The following RPS6KA2 variants were observed in gnomAD, a reference collection of about 807,000 sequenced individuals.
The protein encoded by RPS6KA2 is ribosomal protein S6 kinase A2.
In RPS6KA2, 42 loss-of-function variants were observed where a neutral mutation model predicts 91.8. The ratio of observed to expected loss-of-function variants is 0.46; its 90% confidence interval spans 0.36 to 0.59. The LOEUF (loss-of-function observed/expected upper bound fraction) is 0.59, where lower values mean the gene tolerates loss of function less well. Ranked by LOEUF, RPS6KA2 falls within the 20% of genes least tolerant of loss-of-function variation. The pLI is 0.00. For missense variants in RPS6KA2, 798 were observed against 978.5 expected, an observed-to-expected ratio of 0.82 and a Z score of 2.46; for synonymous variants, 414 against 393.6, an observed-to-expected ratio of 1.05 and a Z score of -0.61.
At chr6:166,531,160 A>G (rs1209822706) in intron 3 of RPS6KA2, 72 bp downstream of exon 3, 2 of 994,176 alleles carry the variant, frequency 2.0e-6, no homozygotes, top group African/African-American at 1.6e-5. Context: ...TGGAATGAAT[A>G]TTTCCTCAAA....
intron 2 of RPS6KA2, among the ~76,000 whole-genome samples, chr6:166,699,404 T>C (rs1471339422): frequency 6.6e-6 from 1 of 152,220 alleles, no homozygotes. Flanking sequence ...AAACTTGCTT[T>C]CTGAGAACAT....
chr6:166,425,217 T>C (rs1017527868), intron 16 of RPS6KA2, among the ~76,000 whole-genome samples: 1 of 152,144 alleles, frequency 6.6e-6, no homozygotes, highest in Admixed American at 6.6e-5. Flanking sequence ...CAGTCCTTTT[T>C]CTTTGTCTTC....
chr6:166,609,935 T>A (rs1786106458), intron 1 of RPS6KA2, among the ~76,000 whole-genome samples: 1 of 152,270 alleles, frequency 6.6e-6, no homozygotes, highest in South Asian at 2.1e-4. Flanking sequence ...ATTTGAAGAT[T>A]TAAAAAATGT....
At chr6:166,721,806 C>T (rs1435533536) in intron 2 of RPS6KA2, among the ~76,000 whole-genome samples, 1 of 151,950 alleles carries the variant, frequency 6.6e-6, no homozygotes, top group Non-Finnish European at 1.5e-5. Context: ...CTGCTTCCCC[C>T]AGGAGGTGCC....
At chr6:166,779,837 T>TCGCCGACGGC (rs1778720979) in intron 2 of RPS6KA2, among the ~76,000 whole-genome samples, 1 of 152,096 alleles carries the variant, frequency 6.6e-6, no homozygotes, top group African/African-American at 2.4e-5. Context: ...GGGGCTAGCG[T>TCGCCGACGGC]TGCCGACGGC....
Position 166,603,661 on chromosome 6 carries a change from C to T in RPS6KA2, c.99+23260G>A, listed in dbSNP as rs1785834205. Reference sequence around the variant, plus strand: ...CCTGTCATTGGGAGGGCATCGTGAACATGGCTGGCACATTCCGGGTGATCT... The same window carrying T: ...CCTGTCATTGGGAGGGCATCGTGAATATGGCTGGCACATTCCGGGTGATCT... On this transcript the variant is annotated intron_variant, in intron 1 of 20. Transcript: ENST00000265678. This position sits in a 1 kb window ranked among gnomAD's most constrained non-coding sequence, Gnocchi z 4.3. Among the ~76,000 whole-genome samples the T allele has an allele frequency of 6.6e-6, 1 of 152,208 alleles. No homozygotes were observed. The highest frequency in any genetic ancestry group is 1.5e-5 in the Non-Finnish European group (1 of 68,046).
At chr6:166,447,869 C>T (rs559334982) in intron 14 of RPS6KA2, among the ~76,000 whole-genome samples, 1 of 152,172 alleles carries the variant, frequency 6.6e-6, no homozygotes, top group African/African-American at 2.4e-5. Context: ...CCTCGCTCTG[C>T]GACAGCCTGG....
chr6:166,490,551 T>A lies in RPS6KA2; in HGVS notation c.818+120A>T. The A allele has an allele frequency of 1.4e-6, 1 of 731,674 alleles. No homozygotes were observed. The highest frequency in any genetic ancestry group is 2.4e-6 in the Non-Finnish European group (1 of 420,754). 45.3% of individuals were successfully genotyped at this position (731,674 alleles called of 1,614,324 possible). ...GTGACTTTTAGAAAACAGCTTACAA[T>A]ACTTTGGCACTGTAAGCCTAGCAAT... is the stretch of plus-strand genomic sequence containing the variant. On this transcript the variant is annotated intron_variant, in intron 9 of 20. Coordinates refer to ENST00000265678, the MANE Select transcript of RPS6KA2 (RefSeq NM_021135.6). This position sits in a 1 kb window ranked among gnomAD's most constrained non-coding sequence, Gnocchi z 4.2.
chr6:166,726,592 A>G lies in RPS6KA2; in HGVS notation c.123+131608T>C, dbSNP rs1790346422. On this transcript the variant is annotated intron_variant, in intron 2 of 21. Coordinates refer to the RPS6KA2 transcript ENST00000503859. This position sits in a 1 kb window ranked among gnomAD's most constrained non-coding sequence, Gnocchi z 4.4. Reference sequence around the variant, plus strand: ...AAGACGTTTCTGAAGTGACTCACCAACTGATCCAAAATATATAACCGTGAT... The same window carrying G: ...AAGACGTTTCTGAAGTGACTCACCAGCTGATCCAAAATATATAACCGTGAT... 6.6e-6 allele frequency among the ~76,000 whole-genome samples: 1 copy of G among 152,224 alleles called. No homozygotes were observed. Among genetic ancestry groups the G allele is most frequent in the Non-Finnish European group, 1.5e-5 (1 of 68,044 alleles).
At chr6:166,576,078 G>C (rs567310040) in intron 1 of RPS6KA2, among the ~76,000 whole-genome samples, 1 of 152,088 alleles carries the variant, frequency 6.6e-6, no homozygotes, top group Non-Finnish European at 1.5e-5. Context: ...GGTTTATCAG[G>C]GGCTTCTGCC....
At chr6:166,829,685 C>A (rs900588505) in intron 2 of RPS6KA2, among the ~76,000 whole-genome samples, 2 of 151,774 alleles carry the variant, frequency 1.3e-5, no homozygotes, top group African/African-American at 4.8e-5. Flanking sequence ...TATTTGTCTA[C>A]CCATGTTCAC....
At chr6:166,496,799 G>A (rs1489554933) in intron 8 of RPS6KA2, among the ~76,000 whole-genome samples, 1 of 152,170 alleles carries the variant, frequency 6.6e-6, no homozygotes, top group Non-Finnish European at 1.5e-5. Context: ...GCTCTCTGGG[G>A]GAATTTGGGG....
intron 2 of RPS6KA2, among the ~76,000 whole-genome samples, chr6:166,779,844 C>T (rs774289375): frequency 2.4e-4 from 37 of 152,104 alleles, no homozygotes; most frequent in Non-Finnish European, 4.4e-4. Flanking sequence ...GCGTTGCCGA[C>T]GGCTGCTGGA....
intron 2 of RPS6KA2, among the ~76,000 whole-genome samples, chr6:166,698,802 G>A (rs7755916): frequency 0.21 from 31,759 of 152,186 alleles, 3,425 homozygotes; most frequent in African/African-American, 0.27. Flanking sequence ...CTGCACTGTG[G>A]CTTTTTAACC....
At position 166,530,580 on chromosome 6, in the gene RPS6KA2, C is replaced by T. The variant is rs371455753; in HGVS notation, c.298+652G>A. On this transcript the variant is annotated intron_variant, in intron 3 of 20. Coordinates refer to ENST00000265678, the MANE Select transcript of RPS6KA2 (RefSeq NM_021135.6). ...CAGTGCCCGGCGCTGTGTGTTCAATCGCCTAATGCTGTTTAGGGCAGGGGG... is the reference window on the plus strand; with the variant it reads ...CAGTGCCCGGCGCTGTGTGTTCAATTGCCTAATGCTGTTTAGGGCAGGGGG... Among the ~76,000 whole-genome samples, 21 of 152,350 alleles carry T rather than the reference C, an allele frequency of 1.4e-4. No homozygotes were observed. In the South Asian group the frequency reaches 3.5e-3, roughly 26 times the overall value.
At chr6:166,454,529 A>G (rs951303306) in intron 12 of RPS6KA2, among the ~76,000 whole-genome samples, 2 of 152,094 alleles carry the variant, frequency 1.3e-5, no homozygotes, top group African/African-American at 4.8e-5. Flanking sequence ...CAAGCAAACG[A>G]AAAAATCCCA....
chr6:166,647,838 ACACACG>A (rs879150582), intron 2 of RPS6KA2, among the ~76,000 whole-genome samples: 1 of 127,088 alleles, frequency 7.9e-6, no homozygotes, highest in African/African-American at 2.9e-5. Context: ...GCACATGCTC[ACACACG>A]CACACGCACA....
rs1780674229 is a variant in RPS6KA2, at chr6:166,849,130, G to A, written c.123+9070C>T. ...GGTTCCTGAAGCCAAGCCCAGCTGA[G>A]GCTTCCTTGGTCCGGCCATGCCAGG... is the stretch of plus-strand genomic sequence containing the variant. On this transcript the variant is annotated intron_variant, in intron 2 of 21. Transcript: ENST00000503859. The surrounding 1 kb of genome is among the most constrained non-coding windows in gnomAD (Gnocchi z 4.9). 6.6e-6 allele frequency among the ~76,000 whole-genome samples: 1 copy of A among 152,002 alleles called. No homozygotes were observed. Among genetic ancestry groups the A allele is most frequent in the Admixed American group, 6.6e-5 (1 of 15,266 alleles).
At chr6:166,792,576 C>T (rs1196290145) in intron 2 of RPS6KA2, among the ~76,000 whole-genome samples, 17 of 151,938 alleles carry the variant, frequency 1.1e-4, no homozygotes, top group African/African-American at 4.1e-4. Context: ...GACCAATATC[C>T]CTGATGAACA....
Sources: gnomAD v4.1 joint callset for allele counts (sites outside exome capture counted in the v4.1 genomes callset) on GRCh38, gnomAD v4.1.1 for gene constraint, Gnocchi (gnomAD v3.1) non-coding constraint, MANE v1.5 for transcripts, NCBI Gene and HGNC (gene_info 2026-07-23, HGNC 2026-07-21) for gene names.